The following LINGO2 variants were observed in gnomAD, a reference collection of about 807,000 sequenced individuals.
LINGO2 encodes the protein leucine-rich repeat and immunoglobulin-like domain-containing nogo receptor-interacting protein 2.
Under a neutral mutation model 30.6 loss-of-function variants are expected in LINGO2, and 14 were observed. The observed-to-expected ratio is 0.46, with a 90% confidence interval of 0.30 to 0.72. The LOEUF is 0.72. LINGO2 is among the 30% of genes least tolerant of loss of function. The pLI is 0.07. For missense variants in LINGO2, 729 were observed against 751.7 expected (o/e 0.97, Z 0.35); for synonymous variants, 317 against 288.5 (o/e 1.10, Z -1.00).
the LINGO2 span, among the ~76,000 whole-genome samples, chr9:28,698,552 T>C: frequency 6.6e-6 from 1 of 152,092 alleles, no homozygotes; most frequent in African/African-American, 2.4e-5. Flanking sequence ...ATGAATACTT[T>C]GCAACATAAT....
the LINGO2 span, among the ~76,000 whole-genome samples, chr9:29,010,637 C>A: frequency 6.6e-6 from 1 of 152,124 alleles, no homozygotes; most frequent in East Asian, 1.9e-4. Flanking sequence ...AACTTCATGA[C>A]AATTTGCGTA....
At chr9:28,050,583 A>G (rs779199344) in intron 4 of LINGO2, among the ~76,000 whole-genome samples, 5 of 150,748 alleles carry the variant, frequency 3.3e-5, no homozygotes, top group Admixed American at 6.6e-5. Flanking sequence ...CTCCAGAATA[A>G]CAGTTAAAAG....
At chr9:28,848,070 A>AC in the LINGO2 span, among the ~76,000 whole-genome samples, 22 of 27,988 alleles carry the variant, frequency 7.9e-4, 1 homozygote, top group African/African-American at 5.6e-3. Flanking sequence ...TATGTATATA[A>AC]TATATATATA....
At chr9:28,005,766 G>A (rs1212004754) in intron 5 of LINGO2, among the ~76,000 whole-genome samples, 1 of 151,846 alleles carries the variant, frequency 6.6e-6, no homozygotes, top group Non-Finnish European at 1.5e-5. Context: ...TGACAGAACT[G>A]CATTTTTCAA....
chr9:28,361,217 G>T (rs74811398), intron 3 of LINGO2, among the ~76,000 whole-genome samples: 3 of 151,980 alleles, frequency 2.0e-5, no homozygotes, highest in Admixed American at 6.6e-5. Context: ...CTTAATAAGC[G>T]GCCCCAAAGT....
the LINGO2 span, among the ~76,000 whole-genome samples, chr9:28,721,576 G>A: frequency 1.3e-5 from 2 of 152,014 alleles, no homozygotes; most frequent in African/African-American, 4.8e-5. Flanking sequence ...ACCAAACACT[G>A]CATGTTCTCA....
At chr9:28,254,532 C>G (rs543211146) in intron 4 of LINGO2, among the ~76,000 whole-genome samples, 1 of 152,170 alleles carries the variant, frequency 6.6e-6, no homozygotes, top group East Asian at 1.9e-4. Flanking sequence ...CATCATGACA[C>G]TCAATGAAGA....
At chr9:28,089,002 C>A (rs1457859364) in intron 4 of LINGO2, among the ~76,000 whole-genome samples, 5 of 152,176 alleles carry the variant, frequency 3.3e-5, no homozygotes, top group African/African-American at 1.2e-4. Flanking sequence ...ATCAATTCAA[C>A]AAGAAGAGCT....
At chr9:28,832,363 G>A in the LINGO2 span, among the ~76,000 whole-genome samples, 88 of 152,164 alleles carry the variant, frequency 5.8e-4, no homozygotes, top group African/African-American at 2.0e-3. Flanking sequence ...CTCATACCAC[G>A]TGTGCAACTT....
At chr9:27,954,210 T>G (rs1266831442) in intron 5 of LINGO2, among the ~76,000 whole-genome samples, 1 of 152,188 alleles carries the variant, frequency 6.6e-6, no homozygotes, top group East Asian at 1.9e-4. Flanking sequence ...TGGGAACATT[T>G]CAAGTCTTCC....
the LINGO2 span, among the ~76,000 whole-genome samples, chr9:28,966,893 T>A: frequency 6.6e-6 from 1 of 152,118 alleles, no homozygotes; most frequent in Non-Finnish European, 1.5e-5. Context: ...CACTTTTAAC[T>A]AATACCCACT....
intron 4 of LINGO2, among the ~76,000 whole-genome samples, chr9:28,256,946 T>A (rs1461709682): frequency 8.6e-5 from 13 of 151,932 alleles, no homozygotes; most frequent in Non-Finnish European, 1.9e-4. Context: ...ACAATTTTTA[T>A]TCTGCCTTTA....
At chr9:28,904,801 C>T in the LINGO2 span, among the ~76,000 whole-genome samples, 8 of 151,876 alleles carry the variant, frequency 5.3e-5, no homozygotes, top group East Asian at 5.8e-4. Flanking sequence ...AATGCAATCC[C>T]TATTCAATGA....
the LINGO2 span, among the ~76,000 whole-genome samples, chr9:29,169,172 T>C: frequency 1.3e-5 from 2 of 152,110 alleles, no homozygotes; most frequent in African/African-American, 4.8e-5. Context: ...GGTCTTGAAC[T>C]CCTGACCTCA....
chr9:28,542,053 T>C (rs2135465549), intron 1 of LINGO2, among the ~76,000 whole-genome samples: 2 of 152,230 alleles, frequency 1.3e-5, no homozygotes, highest in South Asian at 4.1e-4. Context: ...TAGGCATTGA[T>C]ATCTGTGAAA....
At chr9:28,335,716 C>A (rs1587486379) in intron 3 of LINGO2, among the ~76,000 whole-genome samples, 1 of 152,086 alleles carries the variant, frequency 6.6e-6, no homozygotes, top group East Asian at 1.9e-4. Context: ...ATAAAGTCAA[C>A]CATGATCCAA....
chr9:28,082,141 C>T (rs1825789934), intron 4 of LINGO2, among the ~76,000 whole-genome samples: 1 of 152,112 alleles, frequency 6.6e-6, no homozygotes. Flanking sequence ...TGGGGGTAGT[C>T]TTCTGTCACC....
chr9:28,576,402 T>TTG (rs1457199453), intron 1 of LINGO2, among the ~76,000 whole-genome samples: 1 of 150,982 alleles, frequency 6.6e-6, no homozygotes, highest in Non-Finnish European at 1.5e-5. Context: ...AAGCCAAGGA[T>TTG]TGCGTGTGTG....
At chr9:28,930,252 G>A in the LINGO2 span, among the ~76,000 whole-genome samples, 1 of 152,108 alleles carries the variant, frequency 6.6e-6, no homozygotes. This position sits in a 1 kb window ranked among gnomAD's most constrained non-coding sequence, Gnocchi z 4.2. Flanking sequence ...ATCCTTCAGG[G>A]TTTGGCTTAG....
Sources: gnomAD v4.1 joint callset for allele counts (sites outside exome capture counted in the v4.1 genomes callset) on GRCh38, gnomAD v4.1.1 for gene constraint, Gnocchi (gnomAD v3.1) non-coding constraint, MANE v1.5 for transcripts, NCBI Gene and HGNC (gene_info 2026-07-23, HGNC 2026-07-21) for gene names.